Variants in RBFOX1 observed in about 807,000 individuals in gnomAD.
RBFOX1 encodes RNA binding protein fox-1 homolog 1.
In RBFOX1, 8 loss-of-function variants were observed where a neutral mutation model predicts 57.7. The observed-to-expected ratio is 0.14, with a 90% confidence interval of 0.08 to 0.25. The LOEUF (loss-of-function observed/expected upper bound fraction) is 0.25, where lower values mean the gene tolerates loss of function less well. RBFOX1 is among the 10% of genes least tolerant of loss of function. RBFOX1 has a pLI of 1.00. For missense variants in RBFOX1, 611 were observed against 548.5 expected (o/e 1.11, Z -1.14); for synonymous variants, 326 against 222.4 (o/e 1.47, Z -4.15).
intron 3 of RBFOX1, among the ~76,000 whole-genome samples, chr16:5,814,141 T>C (rs935396673): frequency 1.1e-4 from 17 of 152,122 alleles, no homozygotes; most frequent in African/African-American, 4.1e-4. Flanking sequence ...CTCTCCAAAA[T>C]CCTGCAGAGA....
intron 1 of RBFOX1, among the ~76,000 whole-genome samples, chr16:6,072,312 T>C (rs553679580): frequency 6.6e-6 from 1 of 152,290 alleles, no homozygotes; most frequent in Admixed American, 6.5e-5. Context: ...AGGTGAAATT[T>C]AGGTGGGGAC....
chr16:5,320,554 G>A (rs1596508994), intron 1 of RBFOX1, among the ~76,000 whole-genome samples: 3 of 152,230 alleles, frequency 2.0e-5, no homozygotes, highest in Admixed American at 2.0e-4. Flanking sequence ...CAGACACAGA[G>A]CTGCCATGTT....
chr16:6,598,419 T>G (rs561755162), intron 2 of RBFOX1, among the ~76,000 whole-genome samples: 1 of 152,220 alleles, frequency 6.6e-6, no homozygotes. Flanking sequence ...AAAGTAAAAG[T>G]GTAACCAGTG....
chr16:6,943,767 A>G (rs961370817), intron 3 of RBFOX1, among the ~76,000 whole-genome samples: 3 of 151,824 alleles, frequency 2.0e-5, no homozygotes, highest in Non-Finnish European at 2.9e-5. Flanking sequence ...GGCCAATCCC[A>G]GCAGCTGAAC....
At chr16:6,137,984 A>G (rs560080970) in intron 1 of RBFOX1, among the ~76,000 whole-genome samples, 2 of 152,100 alleles carry the variant, frequency 1.3e-5, no homozygotes, top group East Asian at 1.9e-4. Flanking sequence ...TATGTTAAGT[A>G]CCTTTTCCAT....
chr16:7,006,523 C>T (rs148930798), intron 3 of RBFOX1, among the ~76,000 whole-genome samples: 2 of 152,134 alleles, frequency 1.3e-5, no homozygotes, highest in East Asian at 3.9e-4. Flanking sequence ...GATCACAGCT[C>T]ACTGTAGCCT....
rs578078561 is a variant in RBFOX1 at position 6,324,792 on chromosome 16, A to G, written c.-64+7735A>G. 2.3e-4 allele frequency among the ~76,000 whole-genome samples: 35 copies of G among 152,312 alleles called. 1 individual carries two copies. The South Asian group carries it at 6.2e-3, about 27-fold the overall frequency. On this transcript the variant is annotated intron_variant, in intron 2 of 15. Transcript: ENST00000550418. ...TTCGAATTTAGAAAGCAAATGAGAT[A>G]TAGAAACTAGGCCACAGAAGAGAAG... is the stretch of plus-strand genomic sequence containing the variant.
intron 2 of RBFOX1, among the ~76,000 whole-genome samples, chr16:6,608,998 C>T (rs964787500): frequency 6.6e-6 from 1 of 152,192 alleles, no homozygotes; most frequent in Admixed American, 6.5e-5. Context: ...AGCCTTTCTT[C>T]CATCAGGTCA....
At chr16:7,588,689 G>A (rs575497906) in intron 7 of RBFOX1, among the ~76,000 whole-genome samples, 1 of 152,142 alleles carries the variant, frequency 6.6e-6, no homozygotes, top group East Asian at 1.9e-4. Flanking sequence ...AAGCGGTGCT[G>A]GTTTTATTTG....
Position 7,231,662 on chromosome 16 carries a change from A to G in RBFOX1, c.27+179564A>G, listed in dbSNP as rs768292255. Among the ~76,000 whole-genome samples, 7 of 152,222 alleles carry G rather than the reference A, an allele frequency of 4.6e-5. No homozygotes were observed. In the South Asian group the frequency reaches 8.3e-4, roughly 18 times the overall value. Reference sequence around the variant, plus strand: ...CAAATGCCTATCAATAAATTTATCAATAAATAAATGGATGAACAAAATGTG... The same window carrying G: ...CAAATGCCTATCAATAAATTTATCAGTAAATAAATGGATGAACAAAATGTG... On this transcript the variant is annotated intron_variant, in intron 4 of 15. Coordinates refer to ENST00000550418, the MANE Select transcript of RBFOX1 (RefSeq NM_018723.4).
rs2060197093 is a variant in RBFOX1, at chr16:7,627,132, T to TG, written c.677-3471_677-3470insG. Among the ~76,000 whole-genome samples, 5 of 150,640 alleles carry TG rather than the reference T, an allele frequency of 3.3e-5. 1 individual carries two copies. In the South Asian group the frequency reaches 1.1e-3, roughly 32 times the overall value. ...GGAAGCCCCTCCGCCTCCTTTTTTT[T>TG]TTTTTTTCTTTTAAGTTGAACCACA... is the stretch of plus-strand genomic sequence containing the variant. On this transcript the variant is annotated intron_variant, in intron 10 of 15. Coordinates refer to ENST00000550418, the MANE Select transcript of RBFOX1 (RefSeq NM_018723.4).
chr16:7,121,836 T>C (rs1567340903), intron 4 of RBFOX1, among the ~76,000 whole-genome samples: 1 of 151,984 alleles, frequency 6.6e-6, no homozygotes, highest in Non-Finnish European at 1.5e-5. Context: ...GAAGACACAT[T>C]AATCAACTGG....
chr16:7,255,871 T>C (rs923299889), intron 4 of RBFOX1, among the ~76,000 whole-genome samples: 1 of 152,238 alleles, frequency 6.6e-6, no homozygotes, highest in Non-Finnish European at 1.5e-5. Context: ...ATTTCATGTG[T>C]TCAATAGCCA....
intron 5 of RBFOX1, among the ~76,000 whole-genome samples, chr16:7,522,875 A>G (rs976508053): frequency 7.2e-5 from 11 of 152,226 alleles, no homozygotes; most frequent in Non-Finnish European, 1.5e-4. Flanking sequence ...TATTTAAAGT[A>G]TACACTTTGA....
intron 3 of RBFOX1, among the ~76,000 whole-genome samples, chr16:6,711,965 G>A (rs1260019331): frequency 9.2e-5 from 14 of 152,100 alleles, no homozygotes; most frequent in Admixed American, 9.2e-4. Flanking sequence ...CTTTGTAGCT[G>A]TAGCATTTTG....
chr16:7,209,125 T>C (rs1397163004), intron 4 of RBFOX1, among the ~76,000 whole-genome samples: 1 of 148,830 alleles, frequency 6.7e-6, no homozygotes, highest in Non-Finnish European at 1.5e-5. Flanking sequence ...TGAAACTCTG[T>C]CTCTACCAAA....
At chr16:6,415,011 G>C (rs959570872) in intron 2 of RBFOX1, among the ~76,000 whole-genome samples, 1 of 152,040 alleles carries the variant, frequency 6.6e-6, no homozygotes, top group Non-Finnish European at 1.5e-5. Flanking sequence ...GGAAGGCCAA[G>C]ACAGGCGGAT....
chr16:6,615,765 T>C (rs2098132710), intron 2 of RBFOX1, among the ~76,000 whole-genome samples: 1 of 152,154 alleles, frequency 6.6e-6, no homozygotes, highest in African/African-American at 2.4e-5. Flanking sequence ...TCTTTTCTCA[T>C]GCACGTGAGA....
At chr16:5,569,677 C>T (rs1416078541) in intron 2 of RBFOX1, among the ~76,000 whole-genome samples, 1 of 151,902 alleles carries the variant, frequency 6.6e-6, no homozygotes, top group Non-Finnish European at 1.5e-5. Context: ...AAAGCCATTT[C>T]TCTTAACCAC....
Sources: allele counts gnomAD v4.1 joint callset (sites outside exome capture counted in the v4.1 genomes callset), GRCh38; gene constraint gnomAD v4.1.1; transcripts MANE v1.5; gene names NCBI Gene and HGNC (gene_info 2026-07-23, HGNC 2026-07-21).